TSNARE1: variants seen among roughly 807,000 people sequenced by gnomAD.
The protein encoded by TSNARE1 is t-SNARE domain containing 1, also known as t-SNARE domain-containing protein 1.
TSNARE1 carries 49 observed loss-of-function variants against 62.0 expected under a neutral mutation model. The observed-to-expected ratio is 0.79, with a 90% CI of 0.63 to 1.00. The LOEUF is 1.00. TSNARE1 is among the 50% of genes least tolerant of loss of function. TSNARE1 has a pLI of 0.00. For synonymous variants in TSNARE1, 328 were observed against 294.4 expected (o/e 1.11, Z -1.17); for missense variants, 755 against 700.1 (o/e 1.08, Z -0.88).
Position 142,315,106 on chromosome 8 carries a change from A to G in TSNARE1, c.985-14T>C. The G allele has an allele frequency of 6.2e-7, 1 of 1,613,808 alleles. No individual in the cohort carries two copies. The highest frequency in any genetic ancestry group is 8.5e-7 in the Non-Finnish European group (1 of 1,179,876). On this transcript the variant is annotated splice_polypyrimidine_tract_variant and intron_variant, in intron 7 of 13. Transcript: ENST00000524325. ...CAGACGCTCCTGCTGCAGAGAAGGT[A>G]CAGCTGGCACGGCATGGGAGGCTTG...
chr8:142,318,929 G>A (rs1586774569), intron 6 of TSNARE1, among the ~76,000 whole-genome samples: 1 of 151,906 alleles, frequency 6.6e-6, no homozygotes, highest in East Asian at 1.9e-4. Flanking sequence ...GGGGGCCCAA[G>A]AGCCAGGACA....
intron 6 of TSNARE1, among the ~76,000 whole-genome samples, chr8:142,328,525 G>A (rs951891917): frequency 1.3e-5 from 2 of 152,150 alleles, no homozygotes; most frequent in African/African-American, 2.4e-5. Context: ...TTGTGCTCTC[G>A]TGGCAGGAGT....
At chr8:142,250,970 C>G (rs914143308) in intron 12 of TSNARE1, among the ~76,000 whole-genome samples, 1 of 152,224 alleles carries the variant, frequency 6.6e-6, no homozygotes, top group South Asian at 2.1e-4. Flanking sequence ...AGGAAACCCC[C>G]GTAAGGGCGG....
chr8:142,399,162 G>A (rs892356236), intron 1 of TSNARE1, among the ~76,000 whole-genome samples: 11 of 152,350 alleles, frequency 7.2e-5, no homozygotes, highest in African/African-American at 2.2e-4. Flanking sequence ...ATTGTTGGTA[G>A]TGCCCTTCTT....
intron 1 of TSNARE1, among the ~76,000 whole-genome samples, chr8:142,374,186 C>A (rs1220816228): frequency 1.3e-5 from 2 of 151,538 alleles, no homozygotes; most frequent in East Asian, 3.9e-4. Context: ...CACCTGTAAT[C>A]CCAGCTACTG....
chr8:142,256,175 CCAT>C (rs1288641399), intron 12 of TSNARE1, among the ~76,000 whole-genome samples: 1 of 95,232 alleles, frequency 1.1e-5, no homozygotes, highest in African/African-American at 4.1e-5. Context: ...ACCACCATCA[CCAT>C]CACCACCACC....
In TSNARE1 at chr8:142,314,963, C is replaced by T. The variant is rs1234638961; in HGVS notation, c.1074+40G>A. The T allele has an allele frequency of 1.9e-6, 3 of 1,601,898 alleles. No individual in the cohort carries two copies. The Admixed American group carries it at 5.0e-5, about 27-fold the overall frequency. On this transcript the variant is annotated intron_variant, in intron 8 of 13. Coordinates refer to ENST00000524325, the MANE Select transcript of TSNARE1 (RefSeq NM_145003.5). The stretch of plus-strand genomic sequence containing the variant: ...GCTCCGGGAACCGAGGCCGACCCCA[C>T]CTGGCCTGCAGACCCCCACTGCCCC...
chr8:142,271,078 C>T (rs1340285704), intron 12 of TSNARE1: 5 of 985,948 alleles, frequency 5.1e-6, no homozygotes, highest in Non-Finnish European at 6.0e-6. Flanking sequence ...CCAGCACCCC[C>T]GACCAGCCCT....
At chr8:142,265,909 G>A (rs1439230934) in intron 12 of TSNARE1, among the ~76,000 whole-genome samples, 1 of 152,184 alleles carries the variant, frequency 6.6e-6, no homozygotes, top group Non-Finnish European at 1.5e-5. Context: ...ACTTTCTGAT[G>A]GAATTGTTTT....
At chr8:142,392,314 AC>A (rs1837588538) in intron 1 of TSNARE1, among the ~76,000 whole-genome samples, 1 of 152,036 alleles carries the variant, frequency 6.6e-6, no homozygotes, top group Admixed American at 6.6e-5. Context: ...GAGCCACCAC[AC>A]CCAGCCAACT....
rs1156581551 is a variant in TSNARE1 at position 142,273,994 on chromosome 8, G to A, written c.1446+787C>T. ...CGTCTGCCAATACTGCCCCTGCTCC[G>A]CCCTCAAGAGTGTGTGCTCTCCTGG... On this transcript the variant is annotated intron_variant, in intron 12 of 13. Coordinates refer to ENST00000524325, the MANE Select transcript of TSNARE1 (RefSeq NM_145003.5). 1.2e-5 allele frequency: 12 copies of A among 984,976 alleles called. No homozygotes were observed. The South Asian group carries it at 1.4e-4, about 12-fold the overall frequency. The allele number at this position is 984,976 out of a possible 1,614,324, so 61.0% of individuals were successfully genotyped here.
chr8:142,228,515 G>A (rs560576540), intron 13 of TSNARE1, among the ~76,000 whole-genome samples: 22 of 152,248 alleles, frequency 1.4e-4, no homozygotes, highest in South Asian at 2.1e-4. Context: ...TCTCCTCTCC[G>A]GTCCGAATGC....
intron 2 of TSNARE1, among the ~76,000 whole-genome samples, chr8:142,346,636 T>C (rs1586941164): frequency 6.6e-6 from 1 of 152,256 alleles, no homozygotes; most frequent in East Asian, 1.9e-4. Flanking sequence ...CCCGCGTGCC[T>C]GTCTGCAACC....
chr8:142,273,116 C>T, intron 12 of TSNARE1: 1 of 985,454 alleles, frequency 1.0e-6, no homozygotes, highest in Non-Finnish European at 1.2e-6. Context: ...CCCACAGGCT[C>T]ACTGGGAATG....
At chr8:142,405,690 C>G (rs1182377889), upstream of TSNARE1, 1 of 133,482 alleles carries the variant, frequency 7.5e-6, no homozygotes, top group African/African-American at 2.7e-5. Context: ...AGTTTCCCCA[C>G]CCTCCCACCC....
In TSNARE1 at chr8:142,217,352, AAAGAAAGAAAGAAAGAAAGAAAAAAGG is replaced by A. The variant is rs1563750379; in HGVS notation, c.*12-5066_*12-5040del. ...GAAAGAAAGAAAGAAAGAAAGAAAG[AAAGAAAGAAAGAAAGAAAGAAAAAAGG>A]GAAAGAAAGAAAAAGCAAGCAAGCA... On this transcript the variant is annotated intron_variant, in intron 13 of 13. Coordinates refer to ENST00000524325, the MANE Select transcript of TSNARE1 (RefSeq NM_145003.5). 7.1e-4 allele frequency among the ~76,000 whole-genome samples: 101 copies of A among 141,378 alleles called. 2 individuals are homozygous for A. The highest frequency in any genetic ancestry group is 5.2e-3 in the Admixed American group (72 of 13,976). The allele number at this position is 141,378 out of a possible 152,430, so 92.7% of individuals were successfully genotyped here.
chr8:142,350,646 A>G lies in TSNARE1; in HGVS notation c.88+3991T>C, dbSNP rs546833112. 7.2e-5 allele frequency among the ~76,000 whole-genome samples: 11 copies of G among 152,364 alleles called. No homozygotes were observed. In the South Asian group the frequency reaches 1.9e-3, roughly 26 times the overall value. ...AACACATAATAGGTGAAAGCACTGG[A>G]AAAGGAGCGAAAACACTGTCATTAT... On this transcript the variant is annotated intron_variant, in intron 2 of 13. Coordinates refer to ENST00000524325, the MANE Select transcript of TSNARE1 (RefSeq NM_145003.5).
intron 9 of TSNARE1, among the ~76,000 whole-genome samples, chr8:142,302,651 C>T (rs921866743): frequency 6.6e-6 from 1 of 152,192 alleles, no homozygotes; most frequent in Admixed American, 6.5e-5. Context: ...TCCCAGCCAG[C>T]TTTGCGCCTC....
At chr8:142,335,067 C>T (rs1831563384) in intron 4 of TSNARE1, among the ~76,000 whole-genome samples, 1 of 152,198 alleles carries the variant, frequency 6.6e-6, no homozygotes, top group Non-Finnish European at 1.5e-5. Flanking sequence ...AAGCAAAATC[C>T]GTAACTATGT....
Sources: gnomAD v4.1 joint callset for allele counts (sites outside exome capture counted in the v4.1 genomes callset) on GRCh38, gnomAD v4.1.1 for gene constraint, MANE v1.5 for transcripts, NCBI Gene and HGNC (gene_info 2026-07-23, HGNC 2026-07-21) for gene names.